Variants in TYW1 observed in about 807,000 individuals in gnomAD.
TYW1 encodes the protein S-adenosyl-L-methionine-dependent tRNA 4-demethylwyosine synthase TYW1.
TYW1 carries 46 observed loss-of-function variants against 96.2 expected under a neutral mutation model. The observed-to-expected ratio is 0.48, with a 90% CI of 0.38 to 0.61. TYW1 has a LOEUF of 0.61. Ranked by LOEUF, TYW1 falls within the 20% of genes least tolerant of loss-of-function variation. The pLI is 0.00. For missense variants in TYW1, 684 were observed against 909.6 expected, an observed-to-expected ratio of 0.75 and a Z score of 3.19; for synonymous variants, 274 against 323.0, an observed-to-expected ratio of 0.85 and a Z score of 1.63.
chr7:67,103,479 A>G (rs758251981), intron 12 of TYW1, among the ~76,000 whole-genome samples: 1 of 152,246 alleles, frequency 6.6e-6, no homozygotes, highest in Non-Finnish European at 1.5e-5. Flanking sequence ...TCTGGGCTAT[A>G]GAATAGTGAA....
intron 13 of TYW1, among the ~76,000 whole-genome samples, chr7:67,179,868 T>A (rs1001132637): frequency 0.019 from 1,617 of 83,878 alleles, 187 homozygotes; most frequent in Non-Finnish European, 0.03. Flanking sequence ...TATATATATT[T>A]TTTTTTTTTG....
At chr7:67,212,583 G>C (rs1279687906) in intron 15 of TYW1, among the ~76,000 whole-genome samples, 1 of 152,118 alleles carries the variant, frequency 6.6e-6, no homozygotes, top group African/African-American at 2.4e-5. Context: ...CAAAGTAGCT[G>C]TGCCATTTTG....
At chr7:67,082,656 T>G (rs1231689125) in intron 10 of TYW1, among the ~76,000 whole-genome samples, 2 of 151,926 alleles carry the variant, frequency 1.3e-5, no homozygotes, top group African/African-American at 4.8e-5. Context: ...GTTGAGATGG[T>G]TGGCAGTGGT....
intron 10 of TYW1, among the ~76,000 whole-genome samples, chr7:67,076,902 C>T (rs10252479): frequency 6.6e-6 from 1 of 151,276 alleles, no homozygotes; most frequent in East Asian, 1.9e-4. Context: ...AGCCTCCTGA[C>T]TAACTGGGAT....
intron 11 of TYW1, among the ~76,000 whole-genome samples, chr7:67,095,336 G>T (rs1381708401): frequency 4.6e-5 from 7 of 151,924 alleles, no homozygotes; most frequent in African/African-American, 1.4e-4. Flanking sequence ...TGGTTCTCCT[G>T]CCCAGCCCAC....
chr7:67,133,581 C>T (rs1163378669), intron 13 of TYW1, among the ~76,000 whole-genome samples: 2 of 144,918 alleles, frequency 1.4e-5, no homozygotes, highest in African/African-American at 2.7e-5. Flanking sequence ...GCCTGTTGTC[C>T]CAGGTACTTG....
intron 8 of TYW1, among the ~76,000 whole-genome samples, chr7:67,052,379 G>T (rs1431484646): frequency 6.6e-6 from 1 of 152,022 alleles, no homozygotes; most frequent in Non-Finnish European, 1.5e-5. Context: ...ATTTTGGTTA[G>T]TTTCTATTGC....
Position 67,109,441 on chromosome 7 carries a change from CTGT to C in TYW1, c.1563-8040_1563-8038del, listed in dbSNP as rs1283354463. ...TACTGGCAAAAATGATCACAAGCGA[CTGT>C]TTTTTACCTGTGGAAATTAACCAAA... On this transcript the variant is annotated intron_variant, in intron 12 of 15. Coordinates refer to ENST00000359626, the MANE Select transcript of TYW1 (RefSeq NM_018264.4). Among the ~76,000 whole-genome samples the C allele has an allele frequency of 2.7e-4, 36 of 132,828 alleles. 1 individual carries two copies. The East Asian group carries it at 6.9e-3, about 25-fold the overall frequency. 87.1% of individuals were successfully genotyped at this position (132,828 alleles called of 152,430 possible).
At chr7:67,014,865 G>A (rs1428719785) in intron 5 of TYW1, among the ~76,000 whole-genome samples, 1 of 152,012 alleles carries the variant, frequency 6.6e-6, no homozygotes, top group Non-Finnish European at 1.5e-5. Context: ...GAGTAGCTGG[G>A]ATTACAGGCA....
Position 67,198,280 on chromosome 7 carries a change from C to CTCA in TYW1, c.1977+2945_1977+2947dup, listed in dbSNP as rs759190528. ...AGAAAATGTAGGCCCGGTGTGGTGG[C>CTCA]TCATGCCTGTAATCCCAGCACTTTG... On this transcript the variant is annotated intron_variant, in intron 15 of 15. Coordinates refer to ENST00000359626, the MANE Select transcript of TYW1 (RefSeq NM_018264.4). Among the ~76,000 whole-genome samples the CTCA allele has an allele frequency of 1.5e-3, 228 of 152,306 alleles. 1 individual carries two copies. Among genetic ancestry groups the CTCA allele is most frequent in the Non-Finnish European group, 2.3e-3 (154 of 68,030 alleles).
intron 12 of TYW1, among the ~76,000 whole-genome samples, chr7:67,104,547 G>T (rs1275360700): frequency 1.3e-5 from 2 of 151,868 alleles, no homozygotes; most frequent in Non-Finnish European, 2.9e-5. Context: ...TTCAACATGA[G>T]ATTTGGGTGG....
chr7:67,005,405 G>T (rs564684284), intron 3 of TYW1, among the ~76,000 whole-genome samples: 1 of 152,324 alleles, frequency 6.6e-6, no homozygotes, highest in East Asian at 1.9e-4. Context: ...AGACCAACCT[G>T]TGCAACATGG....
intron 15 of TYW1, among the ~76,000 whole-genome samples, chr7:67,211,837 C>T (rs1801037407): frequency 6.6e-6 from 1 of 152,190 alleles, no homozygotes; most frequent in African/African-American, 2.4e-5. Context: ...CAGACTCCAC[C>T]CGTTTCCAAA....
chr7:67,023,152 A>C (rs1159861530), intron 6 of TYW1, among the ~76,000 whole-genome samples: 6 of 151,930 alleles, frequency 3.9e-5, no homozygotes, highest in Admixed American at 1.3e-4. Flanking sequence ...GCTGGAGTGC[A>C]GGGTCACGAT....
At chr7:67,132,542 G>A (rs1798114771) in intron 13 of TYW1, among the ~76,000 whole-genome samples, 1 of 151,852 alleles carries the variant, frequency 6.6e-6, no homozygotes, top group Non-Finnish European at 1.5e-5. Flanking sequence ...TTTAATTTTT[G>A]ACCATTTTTT....
rs375789697 is a variant in TYW1, at chr7:67,097,668, G to T, written c.1385-873G>T. On this transcript the variant is annotated intron_variant, in intron 11 of 15. Transcript: ENST00000359626. ...CCACCTTGGCCTCCCAAAGTGCTGG[G>T]ATTACAGGTGTGAGCCACTGCGCCC... Among the ~76,000 whole-genome samples the T allele has an allele frequency of 1.1e-3, 164 of 152,114 alleles. 3 individuals are homozygous for T. The East Asian group carries it at 0.03, about 28-fold the overall frequency.
At chr7:67,002,152 A>T (rs1793417221) in intron 3 of TYW1, among the ~76,000 whole-genome samples, 2 of 151,422 alleles carry the variant, frequency 1.3e-5, no homozygotes. Flanking sequence ...GGCTCCAGCG[A>T]TTCTCCTGAC....
In TYW1 at chr7:67,180,186, G is replaced by A. The variant is rs1799791102; in HGVS notation, c.1699-2940G>A. ...ATGCTTTCTCTTGAATTTTGAAATT[G>A]CTGATTGCTGGCATATAATAGCTAA... On this transcript the variant is annotated intron_variant, in intron 13 of 15. Transcript: ENST00000359626. Among the ~76,000 whole-genome samples, 3 of 131,156 alleles carry A rather than the reference G, an allele frequency of 2.3e-5. 1 individual carries two copies. The highest frequency in any genetic ancestry group is 4.8e-5 in the Non-Finnish European group (3 of 62,180). 86.0% of individuals were successfully genotyped at this position (131,156 alleles called of 152,430 possible). A position where few individuals can be genotyped will look rare whatever the true frequency, so the allele number is the denominator to read the frequency against.
At chr7:67,085,804 A>G (rs7776687) in intron 11 of TYW1, among the ~76,000 whole-genome samples, 15,972 of 151,960 alleles carry the variant, frequency 0.11, 895 homozygotes, top group Middle Eastern at 0.16. Flanking sequence ...CCCCATCTCT[A>G]CTAAAAATAC....
Sources: gnomAD v4.1 joint callset for allele counts (sites outside exome capture counted in the v4.1 genomes callset) on GRCh38, gnomAD v4.1.1 for gene constraint, MANE v1.5 for transcripts, NCBI Gene and HGNC (gene_info 2026-07-23, HGNC 2026-07-21) for gene names.